GMDS: variants seen among roughly 807,000 people sequenced by gnomAD.
GMDS encodes GDP-mannose 4,6-dehydratase.
Under a neutral mutation model 49.9 loss-of-function variants are expected in GMDS, and 20 were observed. The ratio of observed to expected loss-of-function variants is 0.40; its 90% CI spans 0.28 to 0.58. GMDS has a LOEUF of 0.58. Among genes scored for constraint, GMDS ranks in the 20% least tolerant of loss-of-function variants. The probability of loss-of-function intolerance (pLI) is 0.42; values close to 1 mark genes in which losing one functional copy is unlikely to be tolerated. For synonymous variants in GMDS, 177 were observed against 178.6 expected, an observed-to-expected ratio of 0.99 and a Z score of 0.07; for missense variants, 362 against 481.4, an observed-to-expected ratio of 0.75 and a Z score of 2.32.
chr6:2,083,475 G>C (rs1772834950), intron 4 of GMDS, among the ~76,000 whole-genome samples: 1 of 152,114 alleles, frequency 6.6e-6, no homozygotes, highest in Non-Finnish European at 1.5e-5. Context: ...GAAGTGGACA[G>C]AAAAACAAGA....
chr6:1,898,617 T>C (rs1015956734), intron 7 of GMDS, among the ~76,000 whole-genome samples: 1 of 152,156 alleles, frequency 6.6e-6, no homozygotes, highest in Non-Finnish European at 1.5e-5. Flanking sequence ...CAGTCTAGCA[T>C]GGAAGAAAGA....
At chr6:2,232,425 C>T (rs576113964) in intron 1 of GMDS, among the ~76,000 whole-genome samples, 1 of 152,158 alleles carries the variant, frequency 6.6e-6, no homozygotes, top group Non-Finnish European at 1.5e-5. Context: ...GCACTTATGG[C>T]CCATGAAATT....
At chr6:2,050,271 A>T (rs1467837577) in intron 4 of GMDS, among the ~76,000 whole-genome samples, 1 of 152,238 alleles carries the variant, frequency 6.6e-6, no homozygotes, top group East Asian at 1.9e-4. Context: ...AAACTGGAAC[A>T]TGTAGAAGAA....
intron 1 of GMDS, among the ~76,000 whole-genome samples, chr6:2,127,092 G>A (rs1273456889): frequency 6.6e-6 from 1 of 152,148 alleles, no homozygotes; most frequent in Non-Finnish European, 1.5e-5. Flanking sequence ...TAATGACACT[G>A]ACCATTATCT....
chr6:2,122,652 G>T (rs895341281), intron 2 of GMDS, among the ~76,000 whole-genome samples: 1 of 152,136 alleles, frequency 6.6e-6, no homozygotes, highest in Non-Finnish European at 1.5e-5. Context: ...GTTTATTCTC[G>T]AATTATACGA....
chr6:2,139,538 G>A (rs1776180709), intron 1 of GMDS, among the ~76,000 whole-genome samples: 1 of 152,210 alleles, frequency 6.6e-6, no homozygotes, highest in Non-Finnish European at 1.5e-5. Flanking sequence ...TACGATGAGA[G>A]GCTGTGTTCA....
chr6:1,754,343 C>G (rs927441816), intron 7 of GMDS, among the ~76,000 whole-genome samples: 7 of 152,096 alleles, frequency 4.6e-5, no homozygotes, highest in Admixed American at 3.9e-4. Flanking sequence ...AGGAAGAAGT[C>G]AAATCCCTGA....
chr6:1,628,465 T>C, intron 9 of GMDS, among the ~76,000 whole-genome samples: 1 of 152,252 alleles, frequency 6.6e-6, no homozygotes, highest in Non-Finnish European at 1.5e-5. Flanking sequence ...TTGTGGGGAA[T>C]GCTATTCAAC....
At chr6:1,739,122 CA>C (rs1767160006) in intron 8 of GMDS, among the ~76,000 whole-genome samples, 1 of 152,210 alleles carries the variant, frequency 6.6e-6, no homozygotes, top group African/African-American at 2.4e-5. Context: ...GTGTTCACTG[CA>C]AATATCCTAT....
Position 1,661,867 on chromosome 6 carries a change from C to T in GMDS, c.988-37327G>A, listed in dbSNP as rs543557210. Among the ~76,000 whole-genome samples, 132 of 150,926 alleles carry T rather than the reference C, an allele frequency of 8.7e-4. 2 individuals carry two copies. Among genetic ancestry groups the T allele is most frequent in the African/African-American group, 3.1e-3 (126 of 41,094 alleles). On this transcript the variant is annotated intron_variant, in intron 9 of 10. Coordinates refer to ENST00000380815, the MANE Select transcript of GMDS (RefSeq NM_001500.4). ...ACAGTCGGATGTCATTGTTAAGGGG[C>T]GGGTGGGTGCCTGAGGGGGCAGAAA...
chr6:1,672,316 T>C lies in GMDS; in HGVS notation c.988-47776A>G, dbSNP rs527390251. Among the ~76,000 whole-genome samples the C allele has an allele frequency of 2.0e-5, 3 of 152,178 alleles. No homozygotes were observed. The South Asian group carries it at 6.2e-4, about 32-fold the overall frequency. On this transcript the variant is annotated intron_variant, in intron 9 of 10. Coordinates refer to ENST00000380815, the MANE Select transcript of GMDS (RefSeq NM_001500.4). ...ACATGGAGTGGAAGAACAGGGAAGG[T>C]CATAGAGAAAAGTGGGTAGCTATGA...
chr6:1,633,586 C>T (rs1338711974), intron 9 of GMDS, among the ~76,000 whole-genome samples: 1 of 151,956 alleles, frequency 6.6e-6, no homozygotes, highest in Non-Finnish European at 1.5e-5. Context: ...GAAGGCCTTC[C>T]ACAGAGGTCA....
At chr6:1,862,667 T>A (rs955574653) in intron 7 of GMDS, among the ~76,000 whole-genome samples, 4 of 152,266 alleles carry the variant, frequency 2.6e-5, no homozygotes, top group African/African-American at 9.6e-5. Context: ...TATCCTGGAA[T>A]GACAACTCTG....
At chr6:2,197,624 C>A (rs183925293) in intron 1 of GMDS, among the ~76,000 whole-genome samples, 277 of 152,276 alleles carry the variant, frequency 1.8e-3, no homozygotes, top group Admixed American at 2.7e-3. Context: ...GTGAACAAAT[C>A]AAAAAGTGAC....
intron 7 of GMDS, among the ~76,000 whole-genome samples, chr6:1,909,264 G>T (rs1274447922): frequency 6.6e-6 from 1 of 152,164 alleles, no homozygotes; most frequent in African/African-American, 2.4e-5. Flanking sequence ...TTAATTCTTA[G>T]TCTGAAGCCG....
intron 4 of GMDS, among the ~76,000 whole-genome samples, chr6:2,045,542 TAC>T (rs745900373): frequency 1.3e-5 from 2 of 152,180 alleles, no homozygotes; most frequent in Non-Finnish European, 2.9e-5. Context: ...ATTTTTTTAA[TAC>T]AAAAAGTTAA....
rs1767545912 is a variant in GMDS, at chr6:1,747,472, ACG to A, written c.772-4888_772-4887del. Among the ~76,000 whole-genome samples the A allele has an allele frequency of 9.8e-4, 5 of 5,122 alleles. No individual in the cohort carries two copies. In the East Asian group the frequency reaches 0.05, roughly 51 times the overall value. The allele number at this position is 5,122 out of a possible 152,430, so 3.4% of individuals were successfully genotyped here. On this transcript the variant is annotated intron_variant, in intron 7 of 10. Coordinates refer to ENST00000380815, the MANE Select transcript of GMDS (RefSeq NM_001500.4). Reference sequence around the variant, plus strand: ...AAACCTTAAAACTACACACACACACACGCTCATGCGTGTGCGCGCACACACAC... The same window carrying A: ...AAACCTTAAAACTACACACACACACACTCATGCGTGTGCGCGCACACACAC...
At chr6:2,153,211 G>A (rs1162548104) in intron 1 of GMDS, among the ~76,000 whole-genome samples, 1 of 152,032 alleles carries the variant, frequency 6.6e-6, no homozygotes, top group African/African-American at 2.4e-5. Context: ...ATACAACAAA[G>A]GTTAAAAAGG....
intron 7 of GMDS, among the ~76,000 whole-genome samples, chr6:1,777,402 T>TTTTTA (rs1322176689): frequency 6.6e-6 from 1 of 152,278 alleles, no homozygotes; most frequent in African/African-American, 2.4e-5. Context: ...TCTGCTTATA[T>TTTTTA]TTTTATTTTA....
Sources: allele counts gnomAD v4.1 joint callset (sites outside exome capture counted in the v4.1 genomes callset), GRCh38; gene constraint gnomAD v4.1.1; transcripts MANE v1.5; gene names NCBI Gene and HGNC (gene_info 2026-07-23, HGNC 2026-07-21).